Variants in MYO3B observed in about 807,000 individuals in gnomAD.
MYO3B encodes myosin IIIB, also known as myosin-IIIb.
A neutral mutation model predicts 174.6 loss-of-function variants in MYO3B; 156 were observed. The observed-to-expected ratio is 0.89, with a 90% CI of 0.78 to 1.02. The LOEUF (loss-of-function observed/expected upper bound fraction) is 1.02, where lower values mean the gene tolerates loss of function less well. Among genes scored for constraint, MYO3B ranks in the 50% least tolerant of loss-of-function variants. MYO3B has a pLI of 0.00. For missense variants in MYO3B, 1,632 were observed against 1,639.4 expected, an observed-to-expected ratio of 1.00 and a Z score of 0.08; for synonymous variants, 563 against 569.1, an observed-to-expected ratio of 0.99 and a Z score of 0.15.
At chr2:170,601,755 A>G in intron 32 of MYO3B, 1 of 1,424,110 alleles carries the variant, frequency 7.0e-7, no homozygotes, top group Admixed American at 1.8e-5. Context: ...ATGTAGCTGT[A>G]TCCTTTTTGT....
chr2:170,320,035 C>T (rs1271766312), intron 7 of MYO3B, among the ~76,000 whole-genome samples: 1 of 152,188 alleles, frequency 6.6e-6, no homozygotes, highest in Non-Finnish European at 1.5e-5. Flanking sequence ...GGTTGTCCTT[C>T]AGGTTGAATA....
intron 7 of MYO3B, among the ~76,000 whole-genome samples, chr2:170,242,176 C>T (rs189665462): frequency 1.3e-5 from 2 of 152,204 alleles, no homozygotes; most frequent in African/African-American, 4.8e-5. Flanking sequence ...CAATGAATCC[C>T]CACGATCCAA....
Position 170,444,047 on chromosome 2 carries a change from G to C in MYO3B, c.2730+1G>C. On this transcript the variant is annotated splice_donor_variant, in intron 23 of 34. Transcript: ENST00000408978. LOFTEE classifies it high-confidence loss of function. ...ACATTTCAGTGCTGGGAAAGCCAAG[G>C]TGAGTAACAGATTTGCACCAAATAT... The C allele has an allele frequency of 6.2e-7, 1 of 1,612,198 alleles. No individual in the cohort carries two copies. The highest frequency in any genetic ancestry group is 8.5e-7 in the Non-Finnish European group (1 of 1,178,576).
chr2:170,257,263 C>T (rs1055812042), intron 7 of MYO3B, among the ~76,000 whole-genome samples: 1 of 152,080 alleles, frequency 6.6e-6, no homozygotes, highest in African/African-American at 2.4e-5. Flanking sequence ...CAGAATATTC[C>T]ACCCCACAAT....
Position 170,276,494 on chromosome 2 carries a change from C to T in MYO3B, c.749+40358C>T, listed in dbSNP as rs976855144. 2.6e-5 allele frequency among the ~76,000 whole-genome samples: 4 copies of T among 152,208 alleles called. No homozygotes were observed. In the East Asian group the frequency reaches 5.8e-4, roughly 22 times the overall value. ...CCCTGTATTTTATATAGCATACAAACCCTGTAGCCTAACCGTCCTGCCATC... is the reference window on the plus strand; with the variant it reads ...CCCTGTATTTTATATAGCATACAAATCCTGTAGCCTAACCGTCCTGCCATC... On this transcript the variant is annotated intron_variant, in intron 7 of 34. Coordinates refer to ENST00000408978, the MANE Select transcript of MYO3B (RefSeq NM_138995.5).
intron 1 of MYO3B, among the ~76,000 whole-genome samples, chr2:170,195,437 T>C (rs1448137858): frequency 6.6e-6 from 1 of 152,044 alleles, no homozygotes; most frequent in East Asian, 1.9e-4. Flanking sequence ...GATCTGCCAC[T>C]GGACAGCCAA....
At chr2:170,510,902 G>C (rs76180044) in intron 28 of MYO3B, among the ~76,000 whole-genome samples, 6 of 152,028 alleles carry the variant, frequency 3.9e-5, no homozygotes, top group African/African-American at 1.4e-4. Context: ...TGCGTGTTGC[G>C]TTTTTTAGTA....
At chr2:170,372,135 A>AAAC in intron 9 of MYO3B, among the ~76,000 whole-genome samples, 1 of 148,504 alleles carries the variant, frequency 6.7e-6, no homozygotes, top group Non-Finnish European at 1.5e-5. Context: ...AAAAAAAAAA[A>AAAC]AAAAAAAAAA....
chr2:170,625,864 T>C (rs546778889), intron 32 of MYO3B, among the ~76,000 whole-genome samples: 1 of 152,368 alleles, frequency 6.6e-6, no homozygotes, highest in Non-Finnish European at 1.5e-5. Context: ...TTGAGCGGTT[T>C]TGAGTGAGTT....
chr2:170,535,236 G>A (rs961205090), intron 30 of MYO3B, among the ~76,000 whole-genome samples: 1 of 152,146 alleles, frequency 6.6e-6, no homozygotes, highest in African/African-American at 2.4e-5. Context: ...TAAAGACTTG[G>A]GAGCCGAATG....
intron 32 of MYO3B, among the ~76,000 whole-genome samples, chr2:170,546,998 G>A (rs887810415): frequency 1.3e-5 from 2 of 152,070 alleles, no homozygotes; most frequent in Non-Finnish European, 2.9e-5. Context: ...TAAATATGGG[G>A]CTTAAACAAG....
chr2:170,259,360 C>T (rs888266371), intron 7 of MYO3B, among the ~76,000 whole-genome samples: 1 of 152,134 alleles, frequency 6.6e-6, no homozygotes, highest in Non-Finnish European at 1.5e-5. Context: ...GGTATAAAAA[C>T]AGTCACATAC....
chr2:170,628,793 G>A (rs925906285), intron 32 of MYO3B, among the ~76,000 whole-genome samples: 1 of 152,186 alleles, frequency 6.6e-6, no homozygotes, highest in South Asian at 2.1e-4. Context: ...CATCTTTTGT[G>A]AAGCTTTAGT....
chr2:170,600,619 G>A (rs1190448130), intron 32 of MYO3B, among the ~76,000 whole-genome samples: 3 of 152,252 alleles, frequency 2.0e-5, no homozygotes, highest in African/African-American at 4.8e-5. Flanking sequence ...TTAGATAAAT[G>A]GGAAAAGACA....
At chr2:170,645,468 CAAAA>C (rs55720994) in intron 32 of MYO3B, among the ~76,000 whole-genome samples, 1 of 66,410 alleles carries the variant, frequency 1.5e-5, no homozygotes, top group Non-Finnish European at 3.0e-5. Flanking sequence ...GGCTCCGTCT[CAAAA>C]AAAAAAAAAA....
chr2:170,386,637 T>C lies in MYO3B; in HGVS notation c.1374+365T>C, dbSNP rs2094377613. ...TAAAATAGAAGCCTTTGAGCAAAAG[T>C]TGAGGGAAATGAAAATTTTCAGCTT... On this transcript the variant is annotated intron_variant, in intron 13 of 34. Transcript: ENST00000408978. Among the ~76,000 whole-genome samples, 4 of 152,184 alleles carry C rather than the reference T, an allele frequency of 2.6e-5. No homozygotes were observed. In the South Asian group the frequency reaches 8.3e-4, roughly 32 times the overall value.
intron 32 of MYO3B, among the ~76,000 whole-genome samples, chr2:170,642,555 C>T (rs756063447): frequency 6.6e-6 from 1 of 152,116 alleles, no homozygotes; most frequent in African/African-American, 2.4e-5. Context: ...TTCCTTAGTT[C>T]CTCCTGAAGT....
At chr2:170,340,735 TC>T (rs1403592589) in intron 8 of MYO3B, 1 of 152,176 alleles carries the variant, frequency 6.6e-6, no homozygotes, top group African/African-American at 2.4e-5. Flanking sequence ...TAACATTTCT[TC>T]CTTCTGATTA....
At chr2:170,552,843 C>T (rs1478457721) in intron 32 of MYO3B, among the ~76,000 whole-genome samples, 1 of 152,166 alleles carries the variant, frequency 6.6e-6, no homozygotes, top group African/African-American at 2.4e-5. Flanking sequence ...GGGCTGGGCC[C>T]AGGGTCCCAC....
Sources: gnomAD v4.1 joint callset for allele counts (sites outside exome capture counted in the v4.1 genomes callset) on GRCh38, gnomAD v4.1.1 for gene constraint, MANE v1.5 for transcripts, NCBI Gene and HGNC (gene_info 2026-07-23, HGNC 2026-07-21) for gene names.